The following ITGAM variants were observed in gnomAD, a reference collection of about 807,000 sequenced individuals.
ITGAM encodes integrin alpha-M.
Under a neutral mutation model 137.5 loss-of-function variants are expected in ITGAM, and 79 were observed. That is an observed-to-expected ratio of 0.57 (90% CI 0.48 to 0.69). The LOEUF (loss-of-function observed/expected upper bound fraction) is 0.69. Among genes scored for constraint, ITGAM ranks in the 30% least tolerant of loss-of-function variants. The probability of loss-of-function intolerance (pLI) is 0.00; values close to 1 mark genes in which losing one functional copy is unlikely to be tolerated. For synonymous variants in ITGAM, 583 were observed against 592.3 expected, an observed-to-expected ratio of 0.98 and a Z score of 0.23; for missense variants, 1,343 against 1,483.5, an observed-to-expected ratio of 0.91 and a Z score of 1.56.
chr16:31,272,443 A>C (rs1206612683), intron 7 of ITGAM, among the ~76,000 whole-genome samples: 2 of 15,766 alleles, frequency 1.3e-4, no homozygotes, highest in Non-Finnish European at 4.4e-4. Context: ...ATATATATAT[A>C]TATATATATA....
At chr16:31,292,901 TTTC>T (rs1445069562) in intron 12 of ITGAM, among the ~76,000 whole-genome samples, 8 of 152,298 alleles carry the variant, frequency 5.3e-5, no homozygotes, top group African/African-American at 1.4e-4. Flanking sequence ...AGTGTTCCCT[TTTC>T]TTCACAACCT....
At chr16:31,271,306 G>A (rs2079837100) in intron 6 of ITGAM, among the ~76,000 whole-genome samples, 1 of 152,136 alleles carries the variant, frequency 6.6e-6, no homozygotes, top group Non-Finnish European at 1.5e-5. Context: ...AGGTTGGCAT[G>A]GGAGATGAAG....
chr16:31,297,767 C>T lies in ITGAM; in HGVS notation c.1520C>T (p.Ala507Val). Residue 507 changes from alanine (A) to valine (V), a missense_variant, in exon 14 of 30, where the codon GCT (alanine) becomes GTT (valine). Ala to Val is a moderately conservative substitution (Grantham distance 64). Coordinates refer to ENST00000544665, the MANE Select transcript of ITGAM (RefSeq NM_000632.4). ...CAGAGGGCTCGGTGGCAGTGTGATG[C>T]TGTTCTCTACGGGGAGCAGGGCCAA... ...PRGRARWQCD[A>V]VLYGEQGQPW... 3.8e-6 allele frequency: 6 copies of T among 1,599,486 alleles called. No homozygotes were observed. The highest frequency in any genetic ancestry group is 5.1e-6 in the Non-Finnish European group (6 of 1,174,620).
intron 8 of ITGAM, among the ~76,000 whole-genome samples, chr16:31,274,788 T>G (rs979117153): frequency 4.0e-5 from 6 of 151,688 alleles, no homozygotes; most frequent in Non-Finnish European, 8.8e-5. Context: ...CTAATTTTTG[T>G]TTTGTATTGT....
At chr16:31,294,563 T>C (rs907240157) in intron 12 of ITGAM, among the ~76,000 whole-genome samples, 1 of 152,186 alleles carries the variant, frequency 6.6e-6, no homozygotes, top group African/African-American at 2.4e-5. Flanking sequence ...GAACCAACTT[T>C]GCACCCCGGG....
At chr16:31,307,782 G>A (rs1386678119) in intron 14 of ITGAM, among the ~76,000 whole-genome samples, 1 of 151,942 alleles carries the variant, frequency 6.6e-6, no homozygotes, top group African/African-American at 2.4e-5. Flanking sequence ...TTGGCTGTGG[G>A]TTTGTCATAG....
intron 19 of ITGAM, 63 bp downstream of exon 19, chr16:31,325,094 T>A: frequency 6.6e-7 from 1 of 1,522,376 alleles, no homozygotes; most frequent in Non-Finnish European, 9.0e-7. Context: ...CGCTCTTTTC[T>A]CCTCCTGGCC....
intron 23 of ITGAM, chr16:31,328,964 G>A (rs2080544983): frequency 1.8e-6 from 1 of 568,112 alleles, no homozygotes; most frequent in Non-Finnish European, 3.2e-6. Context: ...GTGCGTGTGT[G>A]TGTCTGAGGG....
chr16:31,272,422 ACTATATATATATATATATAT>A lies in ITGAM; in HGVS notation c.704+431_704+450del, dbSNP rs1453450724. Among the ~76,000 whole-genome samples, 208 of 48,956 alleles carry A rather than the reference ACTATATATATATATATATAT, an allele frequency of 4.2e-3. 11 individuals are homozygous for A. The highest frequency in any genetic ancestry group is 0.015 in the African/African-American group (198 of 13,652). The allele number at this position is 48,956 out of a possible 152,430, so 32.1% of individuals were successfully genotyped here. ...GGAGAGGTTTCCTGAAGGCCAATTAACTATATATATATATATATATATATATATATATATATATATATTTT... is the reference window on the plus strand; with the variant it reads ...GGAGAGGTTTCCTGAAGGCCAATTAAATATATATATATATATATATATTTT... On this transcript the variant is annotated intron_variant, in intron 7 of 29. Transcript: ENST00000544665.
intron 14 of ITGAM, among the ~76,000 whole-genome samples, chr16:31,300,200 G>A (rs888363639): frequency 2.0e-5 from 3 of 152,168 alleles, no homozygotes; most frequent in Non-Finnish European, 4.4e-5. Context: ...CATTTAGGTT[G>A]TTTTCACATC....
At chr16:31,281,593 A>T (rs1483300429) in intron 12 of ITGAM, among the ~76,000 whole-genome samples, 2 of 152,096 alleles carry the variant, frequency 1.3e-5, no homozygotes, top group Non-Finnish European at 2.9e-5. Context: ...TATTGCGTCT[A>T]TTTGATTCTT....
At chr16:31,274,641 G>C (rs1388822188) in intron 8 of ITGAM, among the ~76,000 whole-genome samples, 1 of 149,588 alleles carries the variant, frequency 6.7e-6, no homozygotes, top group Non-Finnish European at 1.5e-5. Context: ...TTGAGACTGA[G>C]TCTTGCTCTA....
intron 14 of ITGAM, among the ~76,000 whole-genome samples, chr16:31,302,788 G>C (rs1479760252): frequency 6.6e-6 from 1 of 151,634 alleles, no homozygotes; most frequent in Non-Finnish European, 1.5e-5. Context: ...ACCTGCCTCA[G>C]CCTCCCAAAG....
chr16:31,272,391 G>A (rs1227574478), intron 7 of ITGAM, among the ~76,000 whole-genome samples: 1 of 133,502 alleles, frequency 7.5e-6, no homozygotes, highest in East Asian at 2.5e-4. Context: ...CTGGTGCAGT[G>A]CTCTGGGAGA....
chr16:31,294,946 T>G (rs2080119091), intron 12 of ITGAM, among the ~76,000 whole-genome samples: 1 of 152,188 alleles, frequency 6.6e-6, no homozygotes, highest in Non-Finnish European at 1.5e-5. Context: ...AATATGAATA[T>G]CCAGTTCTCC....
intron 12 of ITGAM, among the ~76,000 whole-genome samples, chr16:31,286,620 A>T (rs1282914667): frequency 1.3e-5 from 2 of 151,990 alleles, no homozygotes; most frequent in Non-Finnish European, 2.9e-5. Flanking sequence ...TTCTTTTTCA[A>T]ATGTTTTTTG....
chr16:31,270,574 C>T (rs1257855835), intron 5 of ITGAM, among the ~76,000 whole-genome samples: 1 of 150,418 alleles, frequency 6.6e-6, no homozygotes, highest in African/African-American at 2.4e-5. Context: ...AGTGCAATGG[C>T]GTGATCATAG....
chr16:31,327,037 A>T, intron 22 of ITGAM, 102 bp downstream of exon 22: 1 of 876,552 alleles, frequency 1.1e-6, no homozygotes. Context: ...TCTCCCTTCA[A>T]CTCATTTGTT....
chr16:31,330,062 AG>A lies in ITGAM; in HGVS notation c.2977-18del. 1 of 1,610,758 alleles carries A rather than the reference AG, an allele frequency of 6.2e-7. No individual in the cohort carries two copies. Among genetic ancestry groups the A allele is most frequent in the African/African-American group, 1.3e-5 (1 of 74,878 alleles). On this transcript the variant is annotated intron_variant, in intron 25 of 29. Coordinates refer to ENST00000544665, the MANE Select transcript of ITGAM (RefSeq NM_000632.4). ...GGCGCCTTCATCTCTGCCCCTTCTC[AG>A]TGCGTCTCTTTCCTCAGAACCTCTC...
Sources: gnomAD v4.1 joint callset for allele counts (sites outside exome capture counted in the v4.1 genomes callset) on GRCh38, gnomAD v4.1.1 for gene constraint, MANE v1.5 for transcripts, NCBI Gene and HGNC (gene_info 2026-07-23, HGNC 2026-07-21) for gene names.